Variants in CACNA1C observed in about 807,000 individuals in gnomAD.
CACNA1C encodes the protein calcium voltage-gated channel subunit alpha1 C, also known as voltage-dependent L-type calcium channel subunit alpha-1C.
Under a neutral mutation model 229.0 loss-of-function variants are expected in CACNA1C, and 30 were observed. The ratio of observed to expected loss-of-function variants is 0.13; its 90% CI spans 0.10 to 0.18. CACNA1C has a LOEUF of 0.18. CACNA1C is among the 10% of genes least tolerant of loss of function. The probability of loss-of-function intolerance (pLI) is 1.00; values close to 1 mark genes in which losing one functional copy is unlikely to be tolerated. For missense variants in CACNA1C, 1,658 were observed against 2,845.0 expected (o/e 0.58, Z 9.49); for synonymous variants, 1,114 against 1,132.5 (o/e 0.98, Z 0.33).
At chr12:2,577,899 C>G (rs1372822580) in intron 13 of CACNA1C, among the ~76,000 whole-genome samples, 2 of 149,566 alleles carry the variant, frequency 1.3e-5, no homozygotes, top group Non-Finnish European at 3.0e-5. Flanking sequence ...GACGGAGTCT[C>G]GCTCTGTCGC....
Position 2,028,405 on chromosome 12 carries a change from G to C in CACNA1C, c.139+57204G>C, listed in dbSNP as rs548060561. On this transcript the variant is annotated intron_variant, in intron 1 of 46. Transcript: ENST00000682462. ...GTCCAACTTCTCATTTTATAGAGGA[G>C]GATGCTGAGGGCCAGAGAGTTTTAT... is the stretch of plus-strand genomic sequence containing the variant. Among the ~76,000 whole-genome samples, 10 of 152,272 alleles carry C rather than the reference G, an allele frequency of 6.6e-5. No homozygotes were observed. In the South Asian group the frequency reaches 2.1e-3, roughly 32 times the overall value.
At chr12:2,513,579 T>G (rs1191184560) in intron 9 of CACNA1C, among the ~76,000 whole-genome samples, 1 of 152,246 alleles carries the variant, frequency 6.6e-6, no homozygotes, top group Non-Finnish European at 1.5e-5. Flanking sequence ...ATTCCCTTCC[T>G]TGGGGGTTCA....
intron 1 of CACNA1C, among the ~76,000 whole-genome samples, chr12:2,025,646 T>A (rs942246184): frequency 3.9e-5 from 6 of 152,158 alleles, no homozygotes; most frequent in African/African-American, 1.4e-4. Context: ...ATCCTCTTCA[T>A]CCTTTGAAGA....
At chr12:2,472,840 C>T (rs1408823036) in intron 5 of CACNA1C, among the ~76,000 whole-genome samples, 1 of 152,196 alleles carries the variant, frequency 6.6e-6, no homozygotes, top group Non-Finnish European at 1.5e-5. Flanking sequence ...ATTGGTTCAT[C>T]AGCAGACAGT....
At chr12:2,607,358 C>A in intron 26 of CACNA1C, 2 of 499,648 alleles carry the variant, frequency 4.0e-6, no homozygotes, top group South Asian at 7.3e-5. Context: ...CCAAAAGTGA[C>A]CTTTTTTTAG....
At chr12:2,684,033 A>G (rs1439188770) in intron 43 of CACNA1C, among the ~76,000 whole-genome samples, 2 of 152,188 alleles carry the variant, frequency 1.3e-5, no homozygotes, top group Admixed American at 6.5e-5. Context: ...TTTTGAAGAC[A>G]GGAAAGGTGT....
chr12:2,159,134 G>A (rs1477326079), intron 3 of CACNA1C, among the ~76,000 whole-genome samples: 1 of 152,140 alleles, frequency 6.6e-6, no homozygotes, highest in Admixed American at 6.5e-5. Flanking sequence ...GTTGGGGAGG[G>A]GGGTAAGAAG....
chr12:2,323,916 G>C (rs539383930), intron 3 of CACNA1C, among the ~76,000 whole-genome samples: 2 of 152,148 alleles, frequency 1.3e-5, no homozygotes, highest in South Asian at 4.1e-4. Context: ...GGATGGGGGC[G>C]TACAGTGGGG....
intron 3 of CACNA1C, among the ~76,000 whole-genome samples, chr12:2,141,865 T>A (rs2094238382): frequency 6.6e-6 from 1 of 151,240 alleles, no homozygotes; most frequent in African/African-American, 2.4e-5. Flanking sequence ...TTATGGCAGC[T>A]GGGGTGGGTG....
chr12:2,526,148 G>A (rs1033595745), intron 9 of CACNA1C, among the ~76,000 whole-genome samples: 4 of 152,138 alleles, frequency 2.6e-5, no homozygotes, highest in South Asian at 2.1e-4. Flanking sequence ...TCCTTATTTA[G>A]CCATGTGGTT....
At chr12:2,281,036 T>C (rs903881779) in intron 3 of CACNA1C, among the ~76,000 whole-genome samples, 1 of 152,130 alleles carries the variant, frequency 6.6e-6, no homozygotes. Context: ...TATGTATACA[T>C]GTGCCATGTT....
At chr12:2,637,770 A>G (rs146707528) in intron 30 of CACNA1C, among the ~76,000 whole-genome samples, 2 of 152,270 alleles carry the variant, frequency 1.3e-5, no homozygotes, top group South Asian at 2.1e-4. Flanking sequence ...TCCTCTCATC[A>G]CAAGACATAT....
chr12:2,170,511 A>G (rs1040764578), intron 3 of CACNA1C, among the ~76,000 whole-genome samples: 1 of 152,248 alleles, frequency 6.6e-6, no homozygotes, highest in Admixed American at 6.5e-5. Flanking sequence ...ATATTCACTA[A>G]TGAGGCAATT....
rs1241422861 is a variant in CACNA1C, at chr12:2,692,703, C to A, written c.*1504C>A. 1 of 152,718 alleles carries A rather than the reference C, an allele frequency of 6.5e-6. No individual in the cohort carries two copies. Among genetic ancestry groups the A allele is most frequent in the Admixed American group, 6.5e-5 (1 of 15,296 alleles). 9.5% of individuals were successfully genotyped at this position (152,718 alleles called of 1,614,324 possible). On this transcript the variant is annotated 3_prime_UTR_variant, in exon 47 of 47. Coordinates refer to ENST00000399655, the MANE Select transcript of CACNA1C (RefSeq NM_000719.7). ...AATTTAAGGGAAAAACACAAGAAGG[C>A]ATTTTGCTTCAATATATTCCGTGTA...
chr12:2,085,633 G>A (rs140976890), intron 1 of CACNA1C, among the ~76,000 whole-genome samples: 62 of 152,094 alleles, frequency 4.1e-4, no homozygotes, highest in African/African-American at 1.4e-3. Flanking sequence ...TACACCCCTC[G>A]GACTCTGATC....
At chr12:2,372,836 T>C (rs1456558813) in intron 3 of CACNA1C, among the ~76,000 whole-genome samples, 1 of 152,232 alleles carries the variant, frequency 6.6e-6, no homozygotes, top group Non-Finnish European at 1.5e-5. Context: ...TCCGGGGACA[T>C]GCCAGTAGTG....
At chr12:2,577,961 C>CG (rs1243099938) in intron 13 of CACNA1C, among the ~76,000 whole-genome samples, 7 of 151,398 alleles carry the variant, frequency 4.6e-5, no homozygotes, top group Admixed American at 1.3e-4. Context: ...CTCCGCCTCC[C>CG]GGGTTCACGC....
intron 1 of CACNA1C, among the ~76,000 whole-genome samples, chr12:2,090,930 C>T (rs1415548998): frequency 6.6e-6 from 1 of 152,194 alleles, no homozygotes; most frequent in Non-Finnish European, 1.5e-5. Context: ...TAGCAGCCAT[C>T]CTAATGGGTG....
At chr12:2,314,143 C>T (rs968611902) in intron 3 of CACNA1C, among the ~76,000 whole-genome samples, 1 of 152,186 alleles carries the variant, frequency 6.6e-6, no homozygotes, top group African/African-American at 2.4e-5. Context: ...ACCTTCTCTC[C>T]TGGGCACCTG....
Sources: gnomAD v4.1 joint callset for allele counts (sites outside exome capture counted in the v4.1 genomes callset) on GRCh38, gnomAD v4.1.1 for gene constraint, MANE v1.5 for transcripts, NCBI Gene and HGNC (gene_info 2026-07-23, HGNC 2026-07-21) for gene names.